MSH3: variants seen among roughly 807,000 people sequenced by gnomAD.
MSH3 encodes the protein mutS homolog 3, also known as DNA mismatch repair protein Msh3.
MSH3 carries 106 observed loss-of-function variants against 123.3 expected under a neutral mutation model. The observed-to-expected ratio is 0.86, with a 90% CI of 0.73 to 1.01. MSH3 has a LOEUF of 1.01. MSH3 is among the 50% of genes least tolerant of loss of function. The pLI, the probability that MSH3 is intolerant of heterozygous loss-of-function variation, is 0.00. For missense variants in MSH3, 1,459 were observed against 1,347.6 expected, an observed-to-expected ratio of 1.08 and a Z score of -1.29; for synonymous variants, 515 against 481.4, an observed-to-expected ratio of 1.07 and a Z score of -0.91.
chr5:80,868,548 T>C (rs544583227), intron 22 of MSH3, among the ~76,000 whole-genome samples: 3 of 147,184 alleles, frequency 2.0e-5, no homozygotes, highest in Admixed American at 6.9e-5. Context: ...GTTTCACTTA[T>C]AAGTGGGAGT....
intron 20 of MSH3, among the ~76,000 whole-genome samples, chr5:80,851,905 T>C (rs1392841339): frequency 6.6e-6 from 1 of 152,214 alleles, no homozygotes; most frequent in East Asian, 1.9e-4. Context: ...TAAATATGTG[T>C]GTGTATCTGC....
chr5:80,655,089 G>A (rs1749232620), intron 1 of MSH3, 125 bp downstream of exon 1: 1 of 590,386 alleles, frequency 1.7e-6, no homozygotes, highest in Admixed American at 3.7e-5. Flanking sequence ...GCGGGCTGAA[G>A]AAGGGGAAGG....
At chr5:80,736,989 G>A (rs1395251220) in intron 10 of MSH3, among the ~76,000 whole-genome samples, 2 of 152,100 alleles carry the variant, frequency 1.3e-5, no homozygotes, top group African/African-American at 4.8e-5. Context: ...CATTGAACCT[G>A]GCAGTGGTCT....
intron 8 of MSH3, among the ~76,000 whole-genome samples, chr5:80,688,049 A>AT (rs1291227336): frequency 1.3e-5 from 2 of 152,130 alleles, no homozygotes; most frequent in East Asian, 3.9e-4. Context: ...ATGTGAGCTA[A>AT]TTTTTTACAT....
chr5:80,853,235 G>A (rs1407327951), intron 20 of MSH3, among the ~76,000 whole-genome samples: 20 of 152,166 alleles, frequency 1.3e-4, no homozygotes, highest in Admixed American at 1.3e-3. Context: ...ACTTAGGGAG[G>A]CCAAGGCAGG....
At position 80,876,692 on chromosome 5, in the gene MSH3, AAGG is replaced by A. The variant is rs1208102022; in HGVS notation, c.*832_*834del. 1.3e-5 allele frequency among the ~76,000 whole-genome samples: 2 copies of A among 152,096 alleles called. No individual in the cohort carries two copies. Among genetic ancestry groups the A allele is most frequent in the Non-Finnish European group, 2.9e-5 (2 of 68,016 alleles). On this transcript the variant is annotated 3_prime_UTR_variant, in exon 24 of 24. Transcript: ENST00000265081. ...CAAGCTTTTAAAAACTAGAGCACAG[AAGG>A]AATAAGGTCATGAAATTTAAAAGGT... is the stretch of plus-strand genomic sequence containing the variant.
intron 12 of MSH3, among the ~76,000 whole-genome samples, chr5:80,751,649 A>T (rs1474937596): frequency 6.6e-6 from 1 of 152,104 alleles, no homozygotes; most frequent in Admixed American, 6.6e-5. Context: ...GTCCCTTCAC[A>T]CAGTGTTTTT....
rs767324024 is a variant in MSH3 at position 80,875,735 on chromosome 5, T to C, written c.3303-16T>C. On this transcript the variant is annotated splice_polypyrimidine_tract_variant and intron_variant, in intron 23 of 23. Coordinates refer to ENST00000265081, the MANE Select transcript of MSH3 (RefSeq NM_002439.5). ...AATTTCATTTATTAAATAAGTAGTA[T>C]TTGATTTTTCCCCAGAAAGAGACTC... 4.1e-6 allele frequency: 6 copies of C among 1,472,092 alleles called. No individual in the cohort carries two copies. The highest frequency in any genetic ancestry group is 4.8e-6 in the Non-Finnish European group (5 of 1,051,242). The allele number at this position is 1,472,092 out of a possible 1,614,324, so 91.2% of individuals were successfully genotyped here. A position where few individuals can be genotyped will look rare whatever the true frequency, so the allele number is the denominator to read the frequency against.
rs1204244703 is a variant in MSH3, at chr5:80,675,034, T to C, written c.1079T>C (p.Met360Thr). ...GATGCTGTAAATGTTGATGAGATAA[T>C]GACTGATACTTCTACCAGCTATCTT... Reference protein sequence around the residue: ...LDDAVNVDEIMTDTSTSYLLC... With the variant: ...LDDAVNVDEITTDTSTSYLLC... The change falls in exon 7 of 24, where the codon ATG (methionine) becomes ACG (threonine). Residue 360 changes from methionine to threonine, a missense_variant. Physicochemically the swap from Met to Thr is moderately conservative, Grantham distance 81 (BLOSUM62 -1). Coordinates refer to ENST00000265081, the MANE Select transcript of MSH3 (RefSeq NM_002439.5). 1.2e-6 allele frequency: 2 copies of C among 1,613,160 alleles called. No homozygotes were observed. The highest frequency in any genetic ancestry group is 2.2e-5 in the East Asian group (1 of 44,780).
intron 12 of MSH3, among the ~76,000 whole-genome samples, chr5:80,760,461 A>G (rs1196411266): frequency 1.3e-5 from 2 of 152,264 alleles, no homozygotes; most frequent in South Asian, 4.1e-4. Flanking sequence ...TCTCCTATGT[A>G]TCTGAATGTC....
intron 1 of MSH3, 38 bp from the exon 2 acceptor site, chr5:80,656,368 CAGAGT>C (rs1749284234): frequency 6.2e-7 from 1 of 1,612,662 alleles, no homozygotes; most frequent in Non-Finnish European, 8.5e-7. Flanking sequence ...CAGGCCTTCT[CAGAGT>C]AGAGATAACA....
intron 17 of MSH3, among the ~76,000 whole-genome samples, chr5:80,779,214 T>A (rs1164224713): frequency 1.3e-5 from 2 of 151,826 alleles, no homozygotes; most frequent in African/African-American, 4.8e-5. Flanking sequence ...GCTGATGTTG[T>A]ACTCCTGACC....
At chr5:80,860,523 A>T (rs1328824141) in intron 21 of MSH3, among the ~76,000 whole-genome samples, 1 of 149,304 alleles carries the variant, frequency 6.7e-6, no homozygotes, top group South Asian at 2.1e-4. Context: ...GAGAAGTCAG[A>T]TGTAATTTTT....
chr5:80,675,880 A>G (rs965786502), intron 7 of MSH3, among the ~76,000 whole-genome samples: 1 of 152,238 alleles, frequency 6.6e-6, no homozygotes, highest in Non-Finnish European at 1.5e-5. Flanking sequence ...TTGAAATTAA[A>G]CATGAATGAC....
At chr5:80,756,539 T>A (rs1743929640) in intron 12 of MSH3, among the ~76,000 whole-genome samples, 1 of 152,188 alleles carries the variant, frequency 6.6e-6, no homozygotes. Flanking sequence ...GCTAATCTTT[T>A]ACTCAATAGC....
chr5:80,662,861 T>C (rs1358802538), intron 2 of MSH3, among the ~76,000 whole-genome samples: 2 of 151,854 alleles, frequency 1.3e-5, no homozygotes, highest in Non-Finnish European at 2.9e-5. Flanking sequence ...GAAGCAAGAA[T>C]TGCAATTTGG....
In MSH3 at chr5:80,775,676, T is replaced by A. The variant is rs2112890088; in HGVS notation, c.2254-18T>A. Reference sequence around the variant, plus strand: ...ATGGTTACTTATCTAAATCTCTGTTTATTTGTATTTGTTTTAGTTTATGAT... The same window carrying A: ...ATGGTTACTTATCTAAATCTCTGTTAATTTGTATTTGTTTTAGTTTATGAT... On this transcript the variant is annotated intron_variant, in intron 15 of 23. Coordinates refer to ENST00000265081, the MANE Select transcript of MSH3 (RefSeq NM_002439.5). The A allele has an allele frequency of 7.4e-7, 1 of 1,355,364 alleles. No homozygotes were observed. Among genetic ancestry groups the A allele is most frequent in the South Asian group, 1.2e-5 (1 of 84,742 alleles). The allele number at this position is 1,355,364 out of a possible 1,614,324, so 84.0% of individuals were successfully genotyped here. A position where few individuals can be genotyped will look rare whatever the true frequency, so the allele number is the denominator to read the frequency against.
chr5:80,752,897 T>C (rs1414800112), intron 12 of MSH3, among the ~76,000 whole-genome samples: 1 of 152,102 alleles, frequency 6.6e-6, no homozygotes, highest in Non-Finnish European at 1.5e-5. Context: ...ATAAATGATA[T>C]CACTAATTTA....
At chr5:80,811,320 T>C (rs1745003779) in intron 19 of MSH3, among the ~76,000 whole-genome samples, 1 of 152,166 alleles carries the variant, frequency 6.6e-6, no homozygotes, top group East Asian at 1.9e-4. Context: ...TCAAATACTT[T>C]CTCTGTGTTA....
Sources: gnomAD v4.1 joint callset for allele counts (sites outside exome capture counted in the v4.1 genomes callset) on GRCh38, gnomAD v4.1.1 for gene constraint, MANE v1.5 for transcripts, NCBI Gene and HGNC (gene_info 2026-07-23, HGNC 2026-07-21) for gene names.